The following LRP1B variants were observed in gnomAD, a reference collection of about 807,000 sequenced individuals.
The protein encoded by LRP1B is low-density lipoprotein receptor-related protein 1B.
LRP1B carries 217 observed loss-of-function variants against 556.6 expected under a neutral mutation model. That is an observed-to-expected ratio of 0.39 (90% CI 0.35 to 0.44). The LOEUF is 0.44. LRP1B is among the 20% of genes least tolerant of loss of function. The pLI is 1.00. For synonymous variants in LRP1B, 2,047 were observed against 1,865.8 expected (o/e 1.10, Z -2.50); for missense variants, 5,053 against 5,620.8 (o/e 0.90, Z 3.23).
chr2:141,033,843 C>T (rs1698451725), intron 11 of LRP1B, among the ~76,000 whole-genome samples: 1 of 152,110 alleles, frequency 6.6e-6, no homozygotes, highest in Non-Finnish European at 1.5e-5. Context: ...TCATTTAACC[C>T]AAACAAAATC....
intron 1 of LRP1B, among the ~76,000 whole-genome samples, chr2:141,994,901 T>A (rs1485286951): frequency 6.6e-6 from 1 of 152,144 alleles, no homozygotes; most frequent in East Asian, 1.9e-4. Context: ...GCTGCCTTTT[T>A]CACGCTCCTA....
intron 32 of LRP1B, among the ~76,000 whole-genome samples, chr2:140,798,583 G>T (rs906390899): frequency 2.6e-5 from 4 of 152,096 alleles, no homozygotes; most frequent in African/African-American, 4.8e-5. Context: ...TTTGTACAGT[G>T]CAGGTTTCTC....
At chr2:141,585,639 A>G (rs1474141285) in intron 2 of LRP1B, among the ~76,000 whole-genome samples, 2 of 152,166 alleles carry the variant, frequency 1.3e-5, no homozygotes, top group Non-Finnish European at 2.9e-5. Context: ...GCAACTGAGA[A>G]GTAACACTGT....
At chr2:141,098,350 A>G (rs1700372024) in intron 7 of LRP1B, among the ~76,000 whole-genome samples, 1 of 152,234 alleles carries the variant, frequency 6.6e-6, no homozygotes, top group East Asian at 1.9e-4. Context: ...CTTTGTAAAT[A>G]CTAAAGTGCT....
intron 3 of LRP1B, among the ~76,000 whole-genome samples, chr2:141,353,180 T>C (rs1688507414): frequency 6.6e-6 from 1 of 151,988 alleles, no homozygotes; most frequent in Non-Finnish European, 1.5e-5. Context: ...GTCATAGGAC[T>C]GGGTTTTAGT....
At chr2:141,804,091 G>T (rs1294994700) in intron 2 of LRP1B, among the ~76,000 whole-genome samples, 1 of 152,018 alleles carries the variant, frequency 6.6e-6, no homozygotes, top group Non-Finnish European at 1.5e-5. Flanking sequence ...CCCAAAGCCA[G>T]TGTGAAACAA....
intron 1 of LRP1B, among the ~76,000 whole-genome samples, chr2:141,917,228 A>G (rs1306415084): frequency 6.6e-6 from 1 of 152,220 alleles, no homozygotes. Context: ...TTGTCAGCAC[A>G]AGAGAAATAG....
At chr2:140,821,254 A>G (rs1469348076) in intron 31 of LRP1B, among the ~76,000 whole-genome samples, 5 of 151,964 alleles carry the variant, frequency 3.3e-5, no homozygotes, top group Non-Finnish European at 7.4e-5. Context: ...CCTCCCCCGC[A>G]CCCCCAATTT....
chr2:141,140,384 T>C (rs1308844429), intron 7 of LRP1B, among the ~76,000 whole-genome samples: 1 of 152,124 alleles, frequency 6.6e-6, no homozygotes, highest in Admixed American at 6.6e-5. Context: ...TTAAAAAGAT[T>C]AAATGATATA....
intron 43 of LRP1B, among the ~76,000 whole-genome samples, chr2:140,550,318 G>A (rs1160276446): frequency 6.6e-6 from 1 of 152,016 alleles, no homozygotes; most frequent in East Asian, 1.9e-4. Context: ...TTTCCTCCTA[G>A]GGGAAAGAGC....
intron 34 of LRP1B, 103 bp downstream of exon 34, chr2:140,770,778 T>A (rs923559155): frequency 1.1e-6 from 1 of 919,974 alleles, no homozygotes; most frequent in Non-Finnish European, 1.6e-6. Context: ...ACTAGTTAAT[T>A]TTTTTCTAAT....
intron 1 of LRP1B, among the ~76,000 whole-genome samples, chr2:142,108,241 A>G (rs1014427406): frequency 2.0e-5 from 3 of 152,030 alleles, no homozygotes; most frequent in African/African-American, 7.2e-5. Context: ...TCTGAAATAA[A>G]TCTTTCCTAT....
chr2:141,181,991 C>G (rs957641670), intron 7 of LRP1B, among the ~76,000 whole-genome samples: 1 of 151,982 alleles, frequency 6.6e-6, no homozygotes, highest in African/African-American at 2.4e-5. Flanking sequence ...TACTTTCTCA[C>G]CCATGTGGTC....
At chr2:141,819,875 A>T (rs1696697869) in intron 1 of LRP1B, among the ~76,000 whole-genome samples, 1 of 152,292 alleles carries the variant, frequency 6.6e-6, no homozygotes, top group African/African-American at 2.4e-5. Context: ...TGCAATTATT[A>T]TATGTCAAAA....
At chr2:140,375,473 A>C (rs1034510762) in intron 68 of LRP1B, among the ~76,000 whole-genome samples, 1 of 152,142 alleles carries the variant, frequency 6.6e-6, no homozygotes, top group Admixed American at 6.5e-5. Context: ...AATTGGTTCT[A>C]GGACTTTTCA....
chr2:140,534,148 A>G lies in LRP1B; in HGVS notation c.7643-8T>C, dbSNP rs1224278433. 2.5e-6 allele frequency: 4 copies of G among 1,608,052 alleles called. No homozygotes were observed. Among genetic ancestry groups the G allele is most frequent in the Non-Finnish European group, 3.4e-6 (4 of 1,177,072 alleles). ...TTCGACAGCTTCTGTTTTCTTATAA[A>G]TAAAAGTAGAAACACACAACCAGAG... is the stretch of plus-strand genomic sequence containing the variant. On this transcript the variant is annotated splice_polypyrimidine_tract_variant and splice_region_variant and intron_variant, in intron 46 of 90. Coordinates refer to ENST00000389484, the MANE Select transcript of LRP1B (RefSeq NM_018557.3).
intron 2 of LRP1B, among the ~76,000 whole-genome samples, chr2:141,694,452 T>C (rs1691659974): frequency 6.6e-6 from 1 of 152,076 alleles, no homozygotes; most frequent in South Asian, 2.1e-4. Flanking sequence ...TGAGAACTTC[T>C]TGTGTACCAA....
chr2:140,544,146 G>T (rs1032873736), intron 43 of LRP1B, among the ~76,000 whole-genome samples: 1 of 151,356 alleles, frequency 6.6e-6, no homozygotes, highest in Non-Finnish European at 1.5e-5. Context: ...TAAGTTCAGG[G>T]GTATATGTGC....
chr2:141,126,545 T>G (rs73962442), intron 7 of LRP1B, among the ~76,000 whole-genome samples: 3,562 of 152,244 alleles, frequency 0.023, 126 homozygotes, highest in African/African-American at 0.081. Context: ...GGAACTTCAT[T>G]GAAGTTTTTT....
Sources: gnomAD v4.1 joint callset for allele counts (sites outside exome capture counted in the v4.1 genomes callset) on GRCh38, gnomAD v4.1.1 for gene constraint, MANE v1.5 for transcripts, NCBI Gene and HGNC (gene_info 2026-07-23, HGNC 2026-07-21) for gene names.